C2CD3: variants seen among roughly 807,000 people sequenced by gnomAD.
C2CD3 encodes the protein C2 domain containing 3 centriole elongation regulator, also known as C2 domain-containing protein 3.
In C2CD3, 148 loss-of-function variants were observed where a neutral mutation model predicts 234.0. The ratio of observed to expected loss-of-function variants is 0.63; its 90% confidence interval spans 0.55 to 0.72. The LOEUF (loss-of-function observed/expected upper bound fraction) is 0.72, where lower values mean the gene tolerates loss of function less well. Ranked by LOEUF, C2CD3 falls within the 30% of genes least tolerant of loss-of-function variation. The pLI is 0.00. For synonymous variants in C2CD3, 1,000 were observed against 1,035.4 expected (o/e 0.97, Z 0.66); for missense variants, 2,577 against 2,811.5 (o/e 0.92, Z 1.89).
At chr11:74,057,875 CTT>C (rs952627901) in intron 24 of C2CD3, among the ~76,000 whole-genome samples, 91 of 152,208 alleles carry the variant, frequency 6.0e-4, no homozygotes, top group African/African-American at 2.1e-3. Context: ...GGGAGGATCT[CTT>C]GAGTCTGGGA....
intron 30 of C2CD3, chr11:74,036,504 A>G: frequency 2.2e-6 from 1 of 456,092 alleles, no homozygotes; most frequent in South Asian, 1.5e-5. Context: ...GAAGACAGAA[A>G]GAAGGTTTGT....
chr11:74,139,132 C>A (rs1957964008), intron 4 of C2CD3, among the ~76,000 whole-genome samples, 165 bp from the exon 5 acceptor site: 2 of 152,164 alleles, frequency 1.3e-5, no homozygotes, highest in Admixed American at 1.3e-4. Context: ...TTTCATCTCC[C>A]AAATTATAGA....
chr11:74,021,246 AAAACAAAC>A (rs530716721), intron 32 of C2CD3, among the ~76,000 whole-genome samples: 8 of 151,970 alleles, frequency 5.3e-5, no homozygotes, highest in East Asian at 1.9e-4. Flanking sequence ...CCTGTCTCAA[AAAACAAAC>A]AAACAAACAA....
At chr11:74,060,901 C>T (rs998934662) in intron 24 of C2CD3, among the ~76,000 whole-genome samples, 1 of 152,112 alleles carries the variant, frequency 6.6e-6, no homozygotes, top group African/African-American at 2.4e-5. Flanking sequence ...GACTGACTAA[C>T]TAGAATAAAC....
chr11:74,117,096 A>G, intron 9 of C2CD3, among the ~76,000 whole-genome samples: 1 of 64,520 alleles, frequency 1.5e-5, no homozygotes, highest in Non-Finnish European at 2.7e-5. Flanking sequence ...GAATATATAT[A>G]TATGAATATA....
intron 24 of C2CD3, among the ~76,000 whole-genome samples, chr11:74,060,035 G>A (rs1370539460): frequency 6.6e-6 from 1 of 152,200 alleles, no homozygotes; most frequent in Non-Finnish European, 1.5e-5. Flanking sequence ...ACAGCAGTCT[G>A]AGATCGAACT....
At chr11:74,131,065 C>T (rs769580718) in intron 7 of C2CD3, among the ~76,000 whole-genome samples, 1 of 151,948 alleles carries the variant, frequency 6.6e-6, no homozygotes, top group Non-Finnish European at 1.5e-5. Context: ...TCTCCTGCCT[C>T]AGCCTCCCAA....
intron 32 of C2CD3, 39 bp downstream of exon 32, chr11:74,028,248 T>G: frequency 7.3e-7 from 1 of 1,370,902 alleles, no homozygotes; most frequent in Non-Finnish European, 1.0e-6. Flanking sequence ...GAAGAGATGA[T>G]GACTCTATAG....
At chr11:74,092,733 T>C (rs1955944510) in intron 18 of C2CD3, 145 bp from the exon 19 acceptor site, 1 of 624,714 alleles carries the variant, frequency 1.6e-6, no homozygotes, top group Admixed American at 3.1e-5. Context: ...TCTGGCTAAA[T>C]TTACCACTCA....
Position 74,033,917 on chromosome 11 carries a change from T to A in C2CD3, c.6243A>T (p.Thr2081=). ...CACTAGACCAAGGGCTAGTTTTGTC[T>A]GTCACCGTGGTGATCTCATTTAAGG... ...PRTLNEITTV[T]DKTSPWSSVI... Residue 2081 remains threonine (T), a synonymous_variant, in exon 31 of 33, where the codon ACA becomes ACT. Coordinates refer to ENST00000334126, the MANE Select transcript of C2CD3 (RefSeq NM_001286577.2). 6.5e-7 allele frequency: 1 copy of A among 1,536,298 alleles called. No individual in the cohort carries two copies. Among genetic ancestry groups the A allele is most frequent in the South Asian group, 1.2e-5 (1 of 84,068 alleles).
chr11:74,035,486 T>C (rs959888975), intron 30 of C2CD3, among the ~76,000 whole-genome samples: 4 of 152,338 alleles, frequency 2.6e-5, no homozygotes, highest in East Asian at 1.9e-4. Context: ...CACTGTGTAA[T>C]TGTATGTTTA....
chr11:74,170,722 T>C lies in C2CD3; in HGVS notation c.55+16A>G. ...CTCCTATTACGCTTTCCTCAATCTT[T>C]GATCGCTCAGGTTACCTCTTTTTTT... On this transcript the variant is annotated intron_variant, in intron 1 of 32. Transcript: ENST00000334126. The C allele has an allele frequency of 6.2e-7, 1 of 1,614,200 alleles. No individual in the cohort carries two copies. Among genetic ancestry groups the C allele is most frequent in the Non-Finnish European group, 8.5e-7 (1 of 1,180,030 alleles).
At chr11:74,031,784 C>T (rs1027451478) in intron 31 of C2CD3, among the ~76,000 whole-genome samples, 6 of 152,202 alleles carry the variant, frequency 3.9e-5, no homozygotes, top group Non-Finnish European at 5.9e-5. Flanking sequence ...TCTCCTCCAT[C>T]GGCCATATTC....
Position 74,090,838 on chromosome 11 carries a change from C to A in C2CD3, c.3616G>T (p.Ala1206Ser), listed in dbSNP as rs1326132036. 1.2e-6 allele frequency: 2 copies of A among 1,614,124 alleles called. No individual in the cohort carries two copies. Residue 1206 changes from alanine (A) to serine (S), a missense_variant, in exon 20 of 33, where the codon GCC becomes TCC. Ala to Ser is a moderately conservative substitution (Grantham distance 99, BLOSUM62 1). Coordinates refer to ENST00000334126, the MANE Select transcript of C2CD3 (RefSeq NM_001286577.2). ...TVSISVQIIR[A>S]CGLQAAAKAL... is the part of the protein sequence containing the mutation. The stretch of plus-strand genomic sequence containing the variant: ...TTGGCTGCTGCTTGCAGACCACAGG[C>A]TCTGATAATCTGGACTGAGATGGAA...
rs763320941 is a variant in C2CD3, at chr11:74,092,459, G to A, written c.3474C>T (p.Thr1158=). ...VGIQTFNLPL[T]PRIENRKELR... ...ATTCTTTCCTGTTCTCAATCCTGGGGGTTAAAGGGAGATTAAAGGTCTGTA... is the reference window on the plus strand; with the variant it reads ...ATTCTTTCCTGTTCTCAATCCTGGGAGTTAAAGGGAGATTAAAGGTCTGTA... The change falls in exon 19 of 33, where the codon ACC becomes ACT. Residue 1158 remains threonine (T), a synonymous_variant. Transcript: ENST00000334126. The A allele has an allele frequency of 6.2e-7, 1 of 1,613,870 alleles. No homozygotes were observed. Among genetic ancestry groups the A allele is most frequent in the South Asian group, 1.1e-5 (1 of 91,074 alleles).
rs150950747 is a variant in C2CD3 at position 74,139,199 on chromosome 11, C to T, written c.708-232G>A. Among the ~76,000 whole-genome samples, 256 of 152,240 alleles carry T rather than the reference C, an allele frequency of 1.7e-3. 1 individual carries two copies. The highest frequency in any genetic ancestry group is 5.7e-3 in the African/African-American group (237 of 41,542). On this transcript the variant is annotated intron_variant, in intron 4 of 32. Coordinates refer to ENST00000334126, the MANE Select transcript of C2CD3 (RefSeq NM_001286577.2). ...TCATAGCTTAAATGAGACAATAAAACGAAGAGCTCAGCAGAGCCTGACACA... is the reference window on the plus strand; with the variant it reads ...TCATAGCTTAAATGAGACAATAAAATGAAGAGCTCAGCAGAGCCTGACACA...
Position 74,168,554 on chromosome 11 carries a change from A to G in C2CD3, c.115T>C (p.Cys39Arg). 6.2e-7 allele frequency: 1 copy of G among 1,614,230 alleles called. No individual in the cohort carries two copies. Among genetic ancestry groups the G allele is most frequent in the Non-Finnish European group, 8.5e-7 (1 of 1,180,002 alleles). ...CTATTAACAGTAAGTTTTAGAAAAC[A>G]GCGTAGCTGGCCTTCAACCAGAGGT... is the stretch of plus-strand genomic sequence containing the variant. ...LPPLVEGQLR[C>R]FLKLTVNRVI... The change falls in exon 2 of 33, where the codon TGT becomes CGT. Residue 39 changes from cysteine (C) to arginine (R), a missense_variant. Coordinates refer to ENST00000334126, the MANE Select transcript of C2CD3 (RefSeq NM_001286577.2).
intron 20 of C2CD3, among the ~76,000 whole-genome samples, chr11:74,088,786 C>T (rs1955762575): frequency 6.6e-6 from 1 of 152,216 alleles, no homozygotes; most frequent in South Asian, 2.1e-4. Context: ...ACATGTTCTT[C>T]TCTTTCACCA....
intron 24 of C2CD3, among the ~76,000 whole-genome samples, chr11:74,061,105 T>G (rs917453785): frequency 1.3e-5 from 2 of 152,114 alleles, no homozygotes; most frequent in African/African-American, 4.8e-5. Context: ...GAACAAAGCC[T>G]CCAAGAAATA....
Sources: allele counts gnomAD v4.1 joint callset (sites outside exome capture counted in the v4.1 genomes callset), GRCh38; gene constraint gnomAD v4.1.1; transcripts MANE v1.5; gene names NCBI Gene and HGNC (gene_info 2026-07-23, HGNC 2026-07-21).